ERC1: variants seen among roughly 807,000 people sequenced by gnomAD.
ERC1 encodes RAB6 interacting protein 2.
Under a neutral mutation model 132.0 loss-of-function variants are expected in ERC1, and 56 were observed. That is an observed-to-expected ratio of 0.42 (90% CI 0.34 to 0.53). ERC1 has a LOEUF of 0.53. Among genes scored for constraint, ERC1 ranks in the 20% least tolerant of loss-of-function variants. The pLI is 0.03. For missense variants in ERC1, 1,202 were observed against 1,349.9 expected (o/e 0.89, Z 1.72); for synonymous variants, 478 against 476.1 (o/e 1.00, Z -0.05).
intron 18 of ERC1, among the ~76,000 whole-genome samples, chr12:1,471,909 C>T (rs532385975): frequency 2.0e-5 from 3 of 152,188 alleles, no homozygotes; most frequent in Admixed American, 6.5e-5. Flanking sequence ...GTGATAGATA[C>T]ATATTAAGTT....
At chr12:1,482,516 G>A (rs1020648227) in intron 18 of ERC1, among the ~76,000 whole-genome samples, 3 of 151,930 alleles carry the variant, frequency 2.0e-5, no homozygotes, top group South Asian at 2.1e-4. Flanking sequence ...GCGCGATCTC[G>A]GCTCACTGCA....
At chr12:1,228,035 A>G (rs1219419981) in intron 12 of ERC1, among the ~76,000 whole-genome samples, 1 of 152,116 alleles carries the variant, frequency 6.6e-6, no homozygotes, top group Non-Finnish European at 1.5e-5. Flanking sequence ...TGCTGGTACC[A>G]TAGTGTTTAG....
Position 1,418,631 on chromosome 12 carries a change from CTT to C in ERC1, c.3024+10386_3024+10387del, listed in dbSNP as rs1491298846. ...TCTTTCTTTCTTTCTTTCTTTCTTT[CTT>C]TCTTTCTTTCTCTCTCTCTCTCTCT... On this transcript the variant is annotated intron_variant, in intron 17 of 18. Coordinates refer to ENST00000360905, the MANE Select transcript of ERC1 (RefSeq NM_178040.4). Among the ~76,000 whole-genome samples the C allele has an allele frequency of 6.3e-3, 715 of 114,284 alleles. 16 individuals are homozygous for C. The highest frequency in any genetic ancestry group is 0.021 in the African/African-American group (512 of 24,240). 75.0% of individuals were successfully genotyped at this position (114,284 alleles called of 152,430 possible). A position where few individuals can be genotyped will look rare whatever the true frequency, so the allele number is the denominator to read the frequency against.
chr12:1,402,615 A>ACACACACACACACACACACACACAC (rs2091171405), intron 16 of ERC1, among the ~76,000 whole-genome samples: 1 of 72,106 alleles, frequency 1.4e-5, no homozygotes, highest in African/African-American at 1.1e-4. Context: ...GTAACCCCCA[A>ACACACACACACACACACACACACAC]CACACACACA....
intron 18 of ERC1, among the ~76,000 whole-genome samples, chr12:1,473,201 T>A (rs1302288409): frequency 6.6e-6 from 1 of 152,042 alleles, no homozygotes; most frequent in Non-Finnish European, 1.5e-5. Context: ...AATTTTTGTA[T>A]TTTTTTAAGT....
chr12:1,003,285 A>G (rs1279549004), intron 1 of ERC1, among the ~76,000 whole-genome samples: 3 of 152,070 alleles, frequency 2.0e-5, no homozygotes, highest in Non-Finnish European at 4.4e-5. Flanking sequence ...GTAATGTTTT[A>G]TAGTTTTCTG....
At chr12:1,361,818 C>A (rs1297123074) in intron 15 of ERC1, among the ~76,000 whole-genome samples, 1 of 152,158 alleles carries the variant, frequency 6.6e-6, no homozygotes, top group Non-Finnish European at 1.5e-5. Context: ...ATGAAACTAG[C>A]AGCTTGACTT....
intron 7 of ERC1, among the ~76,000 whole-genome samples, chr12:1,131,031 A>G (rs912964606): frequency 4.6e-5 from 7 of 152,254 alleles, no homozygotes; most frequent in South Asian, 2.1e-4. Context: ...TGTAGAAAAT[A>G]TAATAGATAC....
chr12:1,041,212 T>C (rs1461275464), intron 2 of ERC1, among the ~76,000 whole-genome samples: 3 of 149,052 alleles, frequency 2.0e-5, no homozygotes, highest in African/African-American at 7.3e-5. Flanking sequence ...TCTCTTTCTT[T>C]TTTTTTTTTT....
intron 11 of ERC1, among the ~76,000 whole-genome samples, chr12:1,183,657 C>A: frequency 6.6e-6 from 1 of 152,180 alleles, no homozygotes; most frequent in East Asian, 1.9e-4. Flanking sequence ...ATGCAACTCT[C>A]TTGTGGGTAA....
chr12:1,093,973 A>ATTTC (rs1555236270), intron 3 of ERC1, among the ~76,000 whole-genome samples: 2 of 131,274 alleles, frequency 1.5e-5, no homozygotes, highest in Admixed American at 1.6e-4. Context: ...ATATATATAT[A>ATTTC]TATATATATA....
chr12:1,008,657 TTC>T (rs1187603278), intron 1 of ERC1, among the ~76,000 whole-genome samples: 1 of 152,194 alleles, frequency 6.6e-6, no homozygotes, highest in Admixed American at 6.5e-5. Flanking sequence ...AATTTTTTTG[TTC>T]TTTCGTTATT....
At chr12:1,181,779 G>C in intron 9 of ERC1, 146 bp from the exon 10 acceptor site, 1 of 783,944 alleles carries the variant, frequency 1.3e-6, no homozygotes, top group Non-Finnish European at 1.9e-6. Context: ...GCGAAACTCT[G>C]TCTCAAAAAA....
At chr12:1,294,082 T>A (rs1167304650) in intron 15 of ERC1, among the ~76,000 whole-genome samples, 1 of 152,204 alleles carries the variant, frequency 6.6e-6, no homozygotes, top group Non-Finnish European at 1.5e-5. Context: ...ATATCTACAA[T>A]CAACTATCCC....
intron 16 of ERC1, among the ~76,000 whole-genome samples, chr12:1,384,838 GGATAT>G (rs1202708890): frequency 6.6e-6 from 1 of 152,118 alleles, no homozygotes; most frequent in Non-Finnish European, 1.5e-5. Context: ...ATTTAGAATT[GGATAT>G]GATGTTTTTC....
At chr12:1,411,572 G>C (rs535934111) in intron 17 of ERC1, among the ~76,000 whole-genome samples, 5 of 152,300 alleles carry the variant, frequency 3.3e-5, no homozygotes, top group African/African-American at 1.2e-4. Flanking sequence ...AGCTCTTCAG[G>C]TTAGGATGCT....
chr12:1,373,617 T>G (rs2087515464), intron 16 of ERC1, among the ~76,000 whole-genome samples: 1 of 152,086 alleles, frequency 6.6e-6, no homozygotes, highest in African/African-American at 2.4e-5. Flanking sequence ...CCGTCTCCAC[T>G]AAAAATACAA....
intron 7 of ERC1, among the ~76,000 whole-genome samples, chr12:1,137,697 A>G (rs1308970627): frequency 1.3e-5 from 2 of 150,768 alleles, no homozygotes; most frequent in African/African-American, 4.9e-5. Context: ...TAAAAATACA[A>G]AAAAAATTAG....
intron 5 of ERC1, among the ~76,000 whole-genome samples, chr12:1,111,981 A>ATCTC (rs1263053203): frequency 1.3e-5 from 2 of 152,046 alleles, no homozygotes; most frequent in Admixed American, 6.5e-5. Flanking sequence ...GTGCCGTATG[A>ATCTC]TCTCTGTGTT....
Sources: gnomAD v4.1 joint callset for allele counts (sites outside exome capture counted in the v4.1 genomes callset) on GRCh38, gnomAD v4.1.1 for gene constraint, MANE v1.5 for transcripts, NCBI Gene and HGNC (gene_info 2026-07-23, HGNC 2026-07-21) for gene names.